The following CDH18 variants were observed in gnomAD, a reference collection of about 807,000 sequenced individuals.
CDH18 encodes cadherin-18.
Under a neutral mutation model 67.9 loss-of-function variants are expected in CDH18, and 31 were observed. The ratio of observed to expected loss-of-function variants is 0.46; its 90% confidence interval spans 0.34 to 0.62. CDH18 has a LOEUF of 0.62. Among genes scored for constraint, CDH18 ranks in the 20% least tolerant of loss-of-function variants. The probability of loss-of-function intolerance (pLI) is 0.01; values close to 1 mark genes in which losing one functional copy is unlikely to be tolerated. For missense variants in CDH18, 890 were observed against 975.5 expected (o/e 0.91, Z 1.17); for synonymous variants, 362 against 347.2 (o/e 1.04, Z -0.48).
At chr5:20,190,493 C>T (rs2126715458) in intron 2 of CDH18, among the ~76,000 whole-genome samples, 1 of 152,208 alleles carries the variant, frequency 6.6e-6, no homozygotes, top group East Asian at 1.9e-4. Flanking sequence ...TTCCCCCTCA[C>T]TATATCAAGC....
rs115711457 is a variant in CDH18, at chr5:19,690,227, G to T, written c.643+31120C>A. Reference sequence around the variant, plus strand: ...AGTAGGTCAATGAGAAAATTAAGAAGAATAATTTTAATCCTATTTTTGAAA... The same window carrying T: ...AGTAGGTCAATGAGAAAATTAAGAATAATAATTTTAATCCTATTTTTGAAA... On this transcript the variant is annotated intron_variant, in intron 5 of 12. Transcript: ENST00000382275. Among the ~76,000 whole-genome samples the T allele has an allele frequency of 5.0e-3, 760 of 151,114 alleles. 3 individuals are homozygous for T. The highest frequency in any genetic ancestry group is 0.018 in the African/African-American group (732 of 41,322).
At chr5:20,421,153 A>C (rs1397430528) in intron 1 of CDH18, among the ~76,000 whole-genome samples, 3 of 150,998 alleles carry the variant, frequency 2.0e-5, no homozygotes, top group Non-Finnish European at 4.4e-5. Context: ...ACTTGTTGTC[A>C]TCTGACTGAC....
intron 11 of CDH18, among the ~76,000 whole-genome samples, chr5:19,495,717 C>CAAAAAAAAAAAAAAAAAA (rs749003068): frequency 1.9e-4 from 9 of 46,546 alleles, no homozygotes; most frequent in Non-Finnish European, 2.4e-4. Flanking sequence ...GAAACTGTCT[C>CAAAAAAAAAAAAAAAAAA]AAAAAAAAAA....
chr5:19,678,635 A>C (rs1303219696), intron 5 of CDH18, among the ~76,000 whole-genome samples: 2 of 151,892 alleles, frequency 1.3e-5, no homozygotes, highest in African/African-American at 4.8e-5. Flanking sequence ...CCAAACTCAC[A>C]GAAATACCAA....
chr5:20,189,097 T>C (rs1398641089), intron 2 of CDH18, among the ~76,000 whole-genome samples: 2 of 152,150 alleles, frequency 1.3e-5, no homozygotes, highest in Middle Eastern at 3.4e-3. Context: ...CTTTCATCGC[T>C]ACTCCACCTA....
At chr5:19,960,589 G>GTGTA (rs1554072029) in intron 2 of CDH18, among the ~76,000 whole-genome samples, 29 of 85,084 alleles carry the variant, frequency 3.4e-4, no homozygotes, top group East Asian at 2.8e-3. Context: ...GTGTGTGTGT[G>GTGTA]TATATATATA....
intron 2 of CDH18, among the ~76,000 whole-genome samples, chr5:19,881,530 T>TG (rs1787643742): frequency 1.3e-5 from 2 of 149,862 alleles, no homozygotes; most frequent in African/African-American, 4.9e-5. Flanking sequence ...TTTTTTAAGA[T>TG]GGAGTTTCAC....
At chr5:20,054,012 C>T (rs1324630460) in intron 2 of CDH18, among the ~76,000 whole-genome samples, 2 of 152,040 alleles carry the variant, frequency 1.3e-5, no homozygotes, top group African/African-American at 2.4e-5. Context: ...TCCCCAACCC[C>T]AAGGAAGTGA....
chr5:20,315,061 C>T lies in CDH18; in HGVS notation c.-579-59556G>A, dbSNP rs192334993. Among the ~76,000 whole-genome samples the T allele has an allele frequency of 2.1e-3, 316 of 152,044 alleles. 4 individuals are homozygous for T. Among genetic ancestry groups the T allele is most frequent in the Non-Finnish European group, 5.0e-4 (34 of 67,930 alleles). ...TAAACAGTTGCAAAAAATATCACTG[C>T]GCTTATATGCATAATTATTTTTATC... On this transcript the variant is annotated intron_variant, in intron 1 of 14. Transcript: ENST00000507958.
chr5:20,256,031 T>C (rs771794493), intron 1 of CDH18, among the ~76,000 whole-genome samples: 123 of 152,056 alleles, frequency 8.1e-4, no homozygotes, highest in Non-Finnish European at 1.4e-3. Flanking sequence ...AAGTATAATA[T>C]GATTAACAAG....
chr5:19,747,487 T>C (rs1770184973), intron 3 of CDH18, among the ~76,000 whole-genome samples: 1 of 152,114 alleles, frequency 6.6e-6, no homozygotes. Flanking sequence ...AAATAATATT[T>C]ATTAAAACAA....
chr5:19,994,552 T>C (rs1303289332), intron 2 of CDH18, among the ~76,000 whole-genome samples: 1 of 149,506 alleles, frequency 6.7e-6, no homozygotes, highest in Non-Finnish European at 1.5e-5. Flanking sequence ...CTCAGTAAAA[T>C]ATATGAATGT....
intron 2 of CDH18, among the ~76,000 whole-genome samples, chr5:20,107,979 A>G (rs566615754): frequency 5.2e-5 from 7 of 134,786 alleles, no homozygotes; most frequent in Non-Finnish European, 1.1e-4. Context: ...CTATGTCCCA[A>G]TCTCCTGCTT....
At chr5:20,158,777 G>A (rs1437736256) in intron 2 of CDH18, 1 of 174,254 alleles carries the variant, frequency 5.7e-6, no homozygotes, top group African/African-American at 2.4e-5. Context: ...CAGTAACCTT[G>A]TGAATATAGT....
At chr5:19,606,162 C>T (rs1001720794) in intron 6 of CDH18, among the ~76,000 whole-genome samples, 2 of 151,434 alleles carry the variant, frequency 1.3e-5, no homozygotes, top group African/African-American at 2.4e-5. Context: ...TAAGCTAGTG[C>T]TAACAGAATC....
chr5:20,159,780 T>C (rs969543484), intron 2 of CDH18, among the ~76,000 whole-genome samples: 35 of 152,150 alleles, frequency 2.3e-4, no homozygotes, highest in African/African-American at 8.2e-4. Flanking sequence ...AGCTGCTTTA[T>C]TATATTCTGA....
intron 1 of CDH18, among the ~76,000 whole-genome samples, chr5:20,352,428 G>T (rs76997408): frequency 0.023 from 3,476 of 151,896 alleles, 100 homozygotes; most frequent in East Asian, 0.075. Flanking sequence ...CCCAAATCTT[G>T]GTTGTTGAAA....
Position 19,485,400 on chromosome 5 carries a change from C to T in CDH18, c.1631-1848G>A, listed in dbSNP as rs1308336845. 2.6e-5 allele frequency among the ~76,000 whole-genome samples: 4 copies of T among 151,948 alleles called. 1 individual carries two copies. The highest frequency in any genetic ancestry group is 7.2e-5 in the African/African-American group (3 of 41,394). ...CCTCCAGAGTAGCTGGGACTACAGG[C>T]GCCTGCCAACATGCCTGGCTAATTT... On this transcript the variant is annotated intron_variant, in intron 11 of 12. Transcript: ENST00000382275.
intron 2 of CDH18, among the ~76,000 whole-genome samples, chr5:20,247,053 G>A (rs1743436223): frequency 6.6e-6 from 1 of 151,970 alleles, no homozygotes; most frequent in Non-Finnish European, 1.5e-5. Flanking sequence ...TCATCCACAG[G>A]AGCCATATCA....
Sources: allele counts gnomAD v4.1 joint callset (sites outside exome capture counted in the v4.1 genomes callset), GRCh38; gene constraint gnomAD v4.1.1; transcripts MANE v1.5; gene names NCBI Gene and HGNC (gene_info 2026-07-23, HGNC 2026-07-21).